The following TSEN15 variants were observed in gnomAD, a reference collection of about 807,000 sequenced individuals.
The protein encoded by TSEN15 is tRNA splicing endonuclease subunit 15, also known as tRNA-splicing endonuclease subunit Sen15.
A neutral mutation model predicts 20.5 loss-of-function variants in TSEN15; 10 were observed. The observed-to-expected ratio is 0.49, with a 90% CI of 0.30 to 0.83. TSEN15 has a LOEUF of 0.83. Ranked by LOEUF, TSEN15 falls within the 40% of genes least tolerant of loss-of-function variation. The pLI, the probability that TSEN15 is intolerant of heterozygous loss-of-function variation, is 0.06. For missense variants in TSEN15, 180 were observed against 218.6 expected (o/e 0.82, Z 1.11); for synonymous variants, 72 against 80.1 (o/e 0.90, Z 0.54).
chr1:184,052,026 C>A, intron 1 of TSEN15, 136 bp downstream of exon 1: 1 of 937,390 alleles, frequency 1.1e-6, no homozygotes, highest in Non-Finnish European at 1.4e-6. Context: ...GACCGGTGTG[C>A]ACAACTGCCA....
intron 3 of TSEN15, chr1:184,094,830 G>A: frequency 2.6e-6 from 1 of 390,510 alleles, no homozygotes; most frequent in Non-Finnish European, 4.5e-6. Context: ...TGGACAGTAG[G>A]GTAGGGGATG....
chr1:184,079,535 G>A (rs1651123668), intron 3 of TSEN15, among the ~76,000 whole-genome samples: 1 of 152,058 alleles, frequency 6.6e-6, no homozygotes, highest in Non-Finnish European at 1.5e-5. Context: ...TCCTCACATG[G>A]CCTTTCCTCT....
chr1:184,084,055 A>G (rs1382537445), intron 3 of TSEN15, among the ~76,000 whole-genome samples: 3 of 152,174 alleles, frequency 2.0e-5, no homozygotes, highest in Non-Finnish European at 4.4e-5. Flanking sequence ...GAAAACCAAC[A>G]GTGACATGGG....
intron 3 of TSEN15, among the ~76,000 whole-genome samples, chr1:184,067,456 G>T (rs1650711249): frequency 6.6e-6 from 1 of 152,054 alleles, no homozygotes; most frequent in South Asian, 2.1e-4. Context: ...ATATCCCTGG[G>T]GTCTAACCTG....
At chr1:184,072,002 A>G in intron 3 of TSEN15, 155 bp from the exon 4 acceptor site, 1 of 623,296 alleles carries the variant, frequency 1.6e-6, no homozygotes, top group East Asian at 2.9e-5. Context: ...ACTATACCAG[A>G]AGACTCTGAT....
In TSEN15 at chr1:184,051,765, C is replaced by T. The variant is rs1003843934; in HGVS notation, c.10C>T (p.Arg4Cys). 293 of 1,491,652 alleles carry T rather than the reference C, an allele frequency of 2.0e-4. No homozygotes were observed. The highest frequency in any genetic ancestry group is 2.6e-4 in the Non-Finnish European group (289 of 1,120,722). The allele number at this position is 1,491,652 out of a possible 1,614,324, so 92.4% of individuals were successfully genotyped here. A position where few individuals can be genotyped will look rare whatever the true frequency, so the allele number is the denominator to read the frequency against. ...CGCCGCACCGGCCGGCATGGAGGAGCGCGGCGATTCCGAGCCGACCCCCGG... is the reference window on the plus strand; with the variant it reads ...CGCCGCACCGGCCGGCATGGAGGAGTGCGGCGATTCCGAGCCGACCCCCGG... MEE[R>C]GDSEPTPGCS... The change falls in exon 1 of 5, where the codon CGC becomes TGC. Residue 4 changes from arginine to cysteine, a missense_variant. Arg to Cys is a radical substitution (Grantham distance 180, BLOSUM62 -3). Transcript: ENST00000645668.
intron 3 of TSEN15, among the ~76,000 whole-genome samples, chr1:184,062,010 G>A (rs966863513): frequency 6.6e-6 from 1 of 152,156 alleles, no homozygotes; most frequent in African/African-American, 2.4e-5. Flanking sequence ...AGTTTCAGAA[G>A]GTCTTGTGTG....
chr1:184,084,665 T>A (rs1196127110), intron 3 of TSEN15, among the ~76,000 whole-genome samples: 1 of 151,974 alleles, frequency 6.6e-6, no homozygotes, highest in Non-Finnish European at 1.5e-5. Flanking sequence ...GGGTCCAGCA[T>A]CTGGCAAGGG....
chr1:184,082,081 C>A (rs1651180664), intron 3 of TSEN15, among the ~76,000 whole-genome samples: 1 of 152,114 alleles, frequency 6.6e-6, no homozygotes. Context: ...AGCCTGGTGG[C>A]AACTCTTCTG....
At position 184,073,389 on chromosome 1, in the gene TSEN15, T is replaced by A. The variant is rs1391284555; in HGVS notation, c.*542T>A. The A allele has an allele frequency of 6.6e-6, 1 of 152,468 alleles. No individual in the cohort carries two copies. Among genetic ancestry groups the A allele is most frequent in the Non-Finnish European group, 1.5e-5 (1 of 68,100 alleles). The allele number at this position is 152,468 out of a possible 1,614,324, so 9.4% of individuals were successfully genotyped here. A position where few individuals can be genotyped will look rare whatever the true frequency, so the allele number is the denominator to read the frequency against. Reference sequence around the variant, plus strand: ...GTTACTGTTATTTCTCTTTTTTGGTTAACTTTAAATCAAAACTCAAAATAT... The same window carrying A: ...GTTACTGTTATTTCTCTTTTTTGGTAAACTTTAAATCAAAACTCAAAATAT... On this transcript the variant is annotated 3_prime_UTR_variant, in exon 5 of 5. Transcript: ENST00000645668.
At chr1:184,058,333 A>T (rs2102881008) in intron 3 of TSEN15, 1 of 251,710 alleles carries the variant, frequency 4.0e-6, no homozygotes, top group Non-Finnish European at 7.8e-6. Context: ...TATATTATAC[A>T]GTAGAATACT....
chr1:184,092,427 G>A (rs538170487), intron 3 of TSEN15, among the ~76,000 whole-genome samples: 7 of 152,314 alleles, frequency 4.6e-5, no homozygotes, highest in Admixed American at 4.6e-4. Flanking sequence ...AGAGAAAAAT[G>A]TGTACAAATA....
chr1:184,063,887 A>T (rs984657029), intron 3 of TSEN15, among the ~76,000 whole-genome samples: 3 of 152,118 alleles, frequency 2.0e-5, no homozygotes, highest in Non-Finnish European at 4.4e-5. Flanking sequence ...CCCATCACTA[A>T]AAATGTTATA....
intron 1 of TSEN15, among the ~76,000 whole-genome samples, chr1:184,052,970 T>TA (rs1382040599): frequency 1.3e-5 from 2 of 152,026 alleles, no homozygotes; most frequent in Non-Finnish European, 2.9e-5. Flanking sequence ...AGTCCATACT[T>TA]ACTTATACGG....
chr1:184,061,878 A>G (rs1377947277), intron 3 of TSEN15, among the ~76,000 whole-genome samples: 1 of 152,134 alleles, frequency 6.6e-6, no homozygotes, highest in Non-Finnish European at 1.5e-5. Context: ...GTGAATGTGT[A>G]TTTGAATGAC....
rs558097020 is a variant in TSEN15, at chr1:184,070,913, T to C, written c.354-1244T>C. 2.1e-5 allele frequency: 4 copies of C among 190,646 alleles called. No individual in the cohort carries two copies. In the South Asian group the frequency reaches 4.0e-4, roughly 19 times the overall value. The allele number at this position is 190,646 out of a possible 1,614,324, so 11.8% of individuals were successfully genotyped here. A position where few individuals can be genotyped will look rare whatever the true frequency, so the allele number is the denominator to read the frequency against. ...ACTGTTTCAGAAAAGAAACATTTTC[T>C]GTATTTCCACTAATGGCACAGTGTA... On this transcript the variant is annotated intron_variant, in intron 3 of 4. Transcript: ENST00000645668.
chr1:184,051,920 G>A, intron 1 of TSEN15, 30 bp downstream of exon 1: 1 of 1,500,062 alleles, frequency 6.7e-7, no homozygotes, highest in Non-Finnish European at 8.9e-7. Flanking sequence ...GCAGGGCGCC[G>A]TCCAGGCCCC....
chr1:184,053,882 A>G (rs868592573), intron 1 of TSEN15, among the ~76,000 whole-genome samples: 12 of 152,224 alleles, frequency 7.9e-5, no homozygotes, highest in Admixed American at 2.0e-4. Context: ...AGTTTTATTA[A>G]AAAGGTTTCT....
At chr1:184,064,973 C>A (rs1431273319) in intron 3 of TSEN15, among the ~76,000 whole-genome samples, 2 of 152,112 alleles carry the variant, frequency 1.3e-5, no homozygotes, top group African/African-American at 4.8e-5. Flanking sequence ...CCATCCCAAC[C>A]TCTTCCATGA....
Sources: allele counts gnomAD v4.1 joint callset (sites outside exome capture counted in the v4.1 genomes callset), GRCh38; gene constraint gnomAD v4.1.1; transcripts MANE v1.5; gene names NCBI Gene and HGNC (gene_info 2026-07-23, HGNC 2026-07-21).